NPHP1: variants seen among roughly 807,000 people sequenced by gnomAD.
The protein encoded by NPHP1 is nephrocystin 1.
A neutral mutation model predicts 90.4 loss-of-function variants in NPHP1; 70 were observed. The ratio of observed to expected loss-of-function variants is 0.77; its 90% CI spans 0.64 to 0.95. The LOEUF is 0.95. Among genes scored for constraint, NPHP1 ranks in the 40% least tolerant of loss-of-function variants. The probability of loss-of-function intolerance (pLI) is 0.00; values close to 1 mark genes in which losing one functional copy is unlikely to be tolerated. For missense variants in NPHP1, 764 were observed against 795.9 expected, an observed-to-expected ratio of 0.96 and a Z score of 0.48; for synonymous variants, 256 against 271.7, an observed-to-expected ratio of 0.94 and a Z score of 0.57.
chr2:110,144,381 A>T (rs1023222746), intron 15 of NPHP1, 112 bp downstream of exon 15: 4 of 703,578 alleles, frequency 5.7e-6, no homozygotes, highest in Admixed American at 2.5e-5. Context: ...ACATATTTTT[A>T]AAAGTGTGAA....
At chr2:110,173,701 C>T (rs1683321547) in intron 4 of NPHP1, among the ~76,000 whole-genome samples, 1 of 152,130 alleles carries the variant, frequency 6.6e-6, no homozygotes, top group Admixed American at 6.5e-5. Context: ...GTAACCTACA[C>T]CTTCTAGGTT....
intron 18 of NPHP1, 55 bp from the exon 19 acceptor site, chr2:110,125,736 C>A: frequency 7.2e-7 from 1 of 1,396,090 alleles, no homozygotes; most frequent in Non-Finnish European, 1.0e-6. Flanking sequence ...GTCCTTGCAA[C>A]ACTTATGCAA....
chr2:110,186,695 C>T (rs771900475), intron 2 of NPHP1, among the ~76,000 whole-genome samples: 7 of 152,074 alleles, frequency 4.6e-5, no homozygotes, highest in South Asian at 2.1e-4. Flanking sequence ...TGTGTGAAAG[C>T]GATGTAGCAC....
intron 16 of NPHP1, among the ~76,000 whole-genome samples, chr2:110,135,476 CA>C (rs66696927): frequency 0.13 from 1,955 of 15,012 alleles, 21 homozygotes; most frequent in African/African-American, 0.25. Context: ...GACCCCGTCT[CA>C]AAAAAAAAAA....
intron 18 of NPHP1, chr2:110,128,915 C>A: frequency 2.1e-6 from 1 of 484,028 alleles, no homozygotes; most frequent in Non-Finnish European, 3.7e-6. Flanking sequence ...AGGACACAAT[C>A]AGTGGCCATC....
chr2:110,151,459 A>G (rs774636764), intron 11 of NPHP1, among the ~76,000 whole-genome samples: 12 of 152,148 alleles, frequency 7.9e-5, no homozygotes, highest in Non-Finnish European at 1.8e-4. Flanking sequence ...AAAGGAATGG[A>G]TAATAGTTAA....
intron 2 of NPHP1, among the ~76,000 whole-genome samples, chr2:110,188,863 CT>C (rs1461370647): frequency 5.9e-5 from 9 of 152,124 alleles, no homozygotes; most frequent in Non-Finnish European, 1.0e-4. Flanking sequence ...ACCATCTGAT[CT>C]TTGACAAACC....
At chr2:110,178,657 G>A in intron 3 of NPHP1, 110 bp from the exon 4 acceptor site, 1 of 889,056 alleles carries the variant, frequency 1.1e-6, no homozygotes, top group East Asian at 2.5e-5. Flanking sequence ...AAATATCAGT[G>A]TGACATTACA....
chr2:110,201,984 C>T (rs1249738563), intron 1 of NPHP1, among the ~76,000 whole-genome samples: 1 of 152,132 alleles, frequency 6.6e-6, no homozygotes, highest in Non-Finnish European at 1.5e-5. Context: ...TGATATTTTT[C>T]CAACATAAAT....
intron 18 of NPHP1, chr2:110,127,048 T>A (rs1397752228): frequency 3.9e-5 from 6 of 152,276 alleles, no homozygotes; most frequent in African/African-American, 1.2e-4. Context: ...AGACTATACC[T>A]CCTTTGAAGT....
At position 110,143,597 on chromosome 2, in the gene NPHP1, G is replaced by T; in HGVS notation, c.1474C>A (p.Pro492Thr). 1 of 1,613,756 alleles carries T rather than the reference G, an allele frequency of 6.2e-7. No individual in the cohort carries two copies. The highest frequency in any genetic ancestry group is 1.7e-5 in the Admixed American group (1 of 60,006). ...FYQIMTMRRQ[P>T]QLLVKLRSLN... is the part of the protein sequence containing the mutation. ...GATCTCAGTTTCACTAGAAGTTGAG[G>T]CTGCCTTCTCATTGTCATAATCTGG... Residue 492 changes from proline to threonine, a missense_variant, in exon 16 of 20, where the codon CCT becomes ACT. By Grantham distance (38) the Pro-to-Thr change is conservative (BLOSUM62 -1). Coordinates refer to ENST00000445609, the MANE Select transcript of NPHP1 (RefSeq NM_001128178.3).
chr2:110,194,962 T>A (rs1403712683), intron 2 of NPHP1, among the ~76,000 whole-genome samples: 3 of 152,132 alleles, frequency 2.0e-5, no homozygotes, highest in African/African-American at 4.8e-5. Flanking sequence ...TAACAACCCT[T>A]TATGCTAAAA....
At chr2:110,198,130 C>T (rs1409194179) in intron 2 of NPHP1, among the ~76,000 whole-genome samples, 1 of 152,050 alleles carries the variant, frequency 6.6e-6, no homozygotes. Flanking sequence ...CAAATTTCTG[C>T]TCCATGGAAA....
rs750772478 is a variant in NPHP1 at position 110,164,516 on chromosome 2, T to G, written c.771+172A>C. 5.1e-6 allele frequency: 7 copies of G among 1,375,526 alleles called. No homozygotes were observed. The Admixed American group carries it at 1.2e-4, about 23-fold the overall frequency. 85.2% of individuals were successfully genotyped at this position (1,375,526 alleles called of 1,614,324 possible). On this transcript the variant is annotated intron_variant, in intron 8 of 19. Coordinates refer to ENST00000445609, the MANE Select transcript of NPHP1 (RefSeq NM_001128178.3). ...AAAAAAAAAAAACTAATGAGAAATG[T>G]TACTTGGAGCACAGGCTTAGAAACC... is the stretch of plus-strand genomic sequence containing the variant.
At chr2:110,193,894 C>A (rs969884916) in intron 2 of NPHP1, among the ~76,000 whole-genome samples, 30 of 152,180 alleles carry the variant, frequency 2.0e-4, no homozygotes, top group African/African-American at 7.2e-4. Context: ...GAACAACCTG[C>A]TCCGGAATGA....
chr2:110,141,730 T>G (rs745948084), intron 16 of NPHP1, among the ~76,000 whole-genome samples: 4 of 151,988 alleles, frequency 2.6e-5, no homozygotes, highest in Non-Finnish European at 4.4e-5. Flanking sequence ...CCTAGCACTT[T>G]GGGAGGCCGA....
chr2:110,178,439 T>C lies in NPHP1; in HGVS notation c.313A>G (p.Arg105Gly). The change falls in exon 4 of 20, where the codon AGA becomes GGA. Residue 105 changes from arginine (R) to glycine (G), a missense_variant. Coordinates refer to ENST00000445609, the MANE Select transcript of NPHP1 (RefSeq NM_001128178.3). ...QLQGLAVTIS[R>G]ENITEVGAPT... is the part of the protein sequence containing the mutation. ...GAAGCATACTCAGTTATATTTTCTC[T>C]GCTTATTGTCACAGCAAGGCCCTGC... 1.9e-6 allele frequency: 3 copies of C among 1,613,936 alleles called. No homozygotes were observed. Among genetic ancestry groups the C allele is most frequent in the South Asian group, 1.1e-5 (1 of 91,070 alleles).
intron 2 of NPHP1, among the ~76,000 whole-genome samples, chr2:110,191,636 G>A (rs1320046969): frequency 6.6e-6 from 1 of 152,152 alleles, no homozygotes; most frequent in Non-Finnish European, 1.5e-5. Flanking sequence ...AAATGTCCCT[G>A]TCTGACAGCT....
intron 16 of NPHP1, among the ~76,000 whole-genome samples, chr2:110,133,357 A>C (rs1198800168): frequency 1.3e-5 from 2 of 152,164 alleles, no homozygotes; most frequent in Non-Finnish European, 2.9e-5. Context: ...ATATATAACA[A>C]TTATAAACAT....
Sources: allele counts gnomAD v4.1 joint callset (sites outside exome capture counted in the v4.1 genomes callset), GRCh38; gene constraint gnomAD v4.1.1; transcripts MANE v1.5; gene names NCBI Gene and HGNC (gene_info 2026-07-23, HGNC 2026-07-21).